The following PITPNM3 variants were observed in gnomAD, a reference collection of about 807,000 sequenced individuals.
PITPNM3 encodes membrane-associated phosphatidylinositol transfer protein 3.
In PITPNM3, 26 loss-of-function variants were observed where a neutral mutation model predicts 102.0. The ratio of observed to expected loss-of-function variants is 0.25; its 90% CI spans 0.19 to 0.35. The LOEUF (loss-of-function observed/expected upper bound fraction) is 0.35. Ranked by LOEUF, PITPNM3 falls within the 10% of genes least tolerant of loss-of-function variation. The probability of loss-of-function intolerance (pLI) is 1.00; values close to 1 mark genes in which losing one functional copy is unlikely to be tolerated. For synonymous variants in PITPNM3, 578 were observed against 558.6 expected, an observed-to-expected ratio of 1.03 and a Z score of -0.49; for missense variants, 1,083 against 1,346.1, an observed-to-expected ratio of 0.80 and a Z score of 3.06.
chr17:6,531,800 G>C (rs1909162121), intron 2 of PITPNM3, among the ~76,000 whole-genome samples: 1 of 152,142 alleles, frequency 6.6e-6, no homozygotes, highest in Non-Finnish European at 1.5e-5. Flanking sequence ...CAGCCTTCCT[G>C]CTGTTGCTCA....
At chr17:6,489,560 G>A (rs1484554023) in intron 4 of PITPNM3, among the ~76,000 whole-genome samples, 1 of 151,944 alleles carries the variant, frequency 6.6e-6, no homozygotes, top group African/African-American at 2.4e-5. Flanking sequence ...AGAAAGGGAT[G>A]GTCTCTTTGT....
intron 2 of PITPNM3, among the ~76,000 whole-genome samples, chr17:6,531,250 G>A (rs373267061): frequency 3.3e-5 from 5 of 152,296 alleles, no homozygotes; most frequent in African/African-American, 1.2e-4. Context: ...AGAACACAAA[G>A]TGAGCTAGTC....
chr17:6,504,515 C>T (rs528437926), intron 3 of PITPNM3, among the ~76,000 whole-genome samples: 1 of 152,310 alleles, frequency 6.6e-6, no homozygotes, highest in Admixed American at 6.5e-5. Flanking sequence ...GGCCCCCGGG[C>T]TCTCTCAAAA....
In PITPNM3 at chr17:6,464,258, T is replaced by A; in HGVS notation, c.2068A>T (p.Ile690Phe). The A allele has an allele frequency of 4.3e-6, 7 of 1,614,144 alleles. No homozygotes were observed. The highest frequency in any genetic ancestry group is 5.9e-6 in the Non-Finnish European group (7 of 1,180,010). ...GTGATGCGACCACTGCTGTTGGTGA[T>A]CTCTGTGTCCAGGTGTACCCAGCGG... ...SGRWVHLDTE[I>F]TNSSGRITYN... The change falls in exon 16 of 20, where the codon ATC becomes TTC. Residue 690 changes from isoleucine to phenylalanine, a missense_variant. Transcript: ENST00000262483.
intron 9 of PITPNM3, among the ~76,000 whole-genome samples, chr17:6,474,830 A>G (rs186302679): frequency 6.6e-6 from 1 of 152,370 alleles, no homozygotes; most frequent in East Asian, 1.9e-4. Context: ...TTTTCTGCAA[A>G]GGGCCAGAGA....
Position 6,478,597 on chromosome 17 carries a change from C to A in PITPNM3, c.727G>T (p.Val243Phe). ...GAGGACTTCAGGAACTCTCTGTAGA[C>A]CTGGTTGGCTCGCTCGATGACGGTG... ...VATVIERANQ[V>F]YREFLKSSDG... is the part of the protein sequence containing the mutation. The change falls in exon 7 of 20, where the codon GTC becomes TTC. Residue 243 changes from valine (V) to phenylalanine (F), a missense_variant. This residue lies in a region of PITPNM3 where 290 missense variants were observed against 337.8 expected (regional missense o/e 0.86). Coordinates refer to ENST00000262483, the MANE Select transcript of PITPNM3 (RefSeq NM_031220.4). This position sits in a 1 kb window ranked among gnomAD's most constrained non-coding sequence, Gnocchi z 4.4. 6.2e-7 allele frequency: 1 copy of A among 1,614,122 alleles called. No homozygotes were observed. The highest frequency in any genetic ancestry group is 8.5e-7 in the Non-Finnish European group (1 of 1,180,030).
intron 3 of PITPNM3, among the ~76,000 whole-genome samples, chr17:6,506,662 G>A (rs1966095): frequency 5.3e-5 from 8 of 152,140 alleles, no homozygotes; most frequent in East Asian, 1.9e-4. Context: ...GAGCCACCGC[G>A]CCCGGCCAGT....
At chr17:6,497,415 C>T (rs1207816144) in intron 4 of PITPNM3, among the ~76,000 whole-genome samples, 2 of 152,182 alleles carry the variant, frequency 1.3e-5, no homozygotes, top group African/African-American at 4.8e-5. Context: ...GCCGAGGACC[C>T]AAGCTCAGTC....
At chr17:6,549,025 C>A (rs148545145) in intron 1 of PITPNM3, among the ~76,000 whole-genome samples, 7 of 152,198 alleles carry the variant, frequency 4.6e-5, no homozygotes, top group African/African-American at 1.4e-4. Flanking sequence ...AACAGGCTGA[C>A]CCTCCCAAAG....
intron 1 of PITPNM3, among the ~76,000 whole-genome samples, chr17:6,555,625 A>C (rs1381600017): frequency 6.6e-6 from 1 of 152,216 alleles, no homozygotes; most frequent in African/African-American, 2.4e-5. Context: ...GCATGGGCGC[A>C]GCAGGGGGGC....
rs1036468540 is a variant in PITPNM3 at position 6,455,515 on chromosome 17, G to C, written c.2748C>G (p.Phe916Leu). 4 of 1,605,612 alleles carry C rather than the reference G, an allele frequency of 2.5e-6. No individual in the cohort carries two copies. Among genetic ancestry groups the C allele is most frequent in the African/African-American group, 1.3e-5 (1 of 74,634 alleles). Residue 916 changes from phenylalanine to leucine, a missense_variant, in exon 20 of 20, where the codon TTC becomes TTG. By Grantham distance (22) the Phe-to-Leu change is conservative. Coordinates refer to ENST00000262483, the MANE Select transcript of PITPNM3 (RefSeq NM_031220.4). ...GSFGLHAQPE[F>L]LRKRNHLRRT... is the part of the protein sequence containing the mutation. ...TGCGCAGGTGGTTGCGCTTCCGCAGGAACTCTGGCTGCGCGTGCAGCCCGA... is the reference window on the plus strand; with the variant it reads ...TGCGCAGGTGGTTGCGCTTCCGCAGCAACTCTGGCTGCGCGTGCAGCCCGA...
chr17:6,509,600 G>A (rs547768161), intron 3 of PITPNM3, among the ~76,000 whole-genome samples: 129 of 152,052 alleles, frequency 8.5e-4, no homozygotes, highest in African/African-American at 3.0e-3. Flanking sequence ...GCTGAGGAGC[G>A]AAGACCTGCA....
chr17:6,464,614 C>T (rs770735642), intron 15 of PITPNM3, 41 bp downstream of exon 15: 5 of 1,563,304 alleles, frequency 3.2e-6, no homozygotes, highest in Non-Finnish European at 4.4e-6. Flanking sequence ...GCACCTGGTG[C>T]AGGTGGAGTG....
Position 6,556,283 on chromosome 17 carries a change from G to A in PITPNM3, c.22+102C>T, listed in dbSNP as rs1224671378. On this transcript the variant is annotated intron_variant, in intron 1 of 19. Coordinates refer to ENST00000262483, the MANE Select transcript of PITPNM3 (RefSeq NM_031220.4). The surrounding 1 kb of genome is among the most constrained non-coding windows in gnomAD (Gnocchi z 5.2). Reference sequence around the variant, plus strand: ...CCCCCTACGCCCTCCCGGGACCTCCGCCCACCTGCGCGAGGGGTTCACCTG... The same window carrying A: ...CCCCCTACGCCCTCCCGGGACCTCCACCCACCTGCGCGAGGGGTTCACCTG... 2.8e-6 allele frequency: 3 copies of A among 1,055,872 alleles called. No individual in the cohort carries two copies. Among genetic ancestry groups the A allele is most frequent in the African/African-American group, 3.3e-5 (2 of 59,970 alleles). 65.4% of individuals were successfully genotyped at this position (1,055,872 alleles called of 1,614,324 possible).
chr17:6,477,849 TTA>T lies in PITPNM3; in HGVS notation c.900+124_900+125del, dbSNP rs557292920. On this transcript the variant is annotated intron_variant, in intron 8 of 19. Coordinates refer to ENST00000262483, the MANE Select transcript of PITPNM3 (RefSeq NM_031220.4). The stretch of plus-strand genomic sequence containing the variant: ...GCATGAGCCACTGCGCCCAGCTGGA[TTA>T]TGATACACTTCTTTGTGACCTGGAT... 599 of 1,529,408 alleles carry T rather than the reference TTA, an allele frequency of 3.9e-4. 8 individuals carry two copies. The East Asian group carries it at 0.013, about 32-fold the overall frequency. 94.7% of individuals were successfully genotyped at this position (1,529,408 alleles called of 1,614,324 possible). A position where few individuals can be genotyped will look rare whatever the true frequency, so the allele number is the denominator to read the frequency against.
At chr17:6,499,153 C>A (rs1316382418) in intron 4 of PITPNM3, among the ~76,000 whole-genome samples, 2 of 152,186 alleles carry the variant, frequency 1.3e-5, no homozygotes, top group Non-Finnish European at 2.9e-5. Flanking sequence ...CACAATGGTT[C>A]CCTTGGCTTC....
At position 6,470,353 on chromosome 17, in the gene PITPNM3, A is replaced by G. The variant is rs760548559; in HGVS notation, c.1680T>C (p.Asp560=). 5 of 1,614,154 alleles carry G rather than the reference A, an allele frequency of 3.1e-6. No individual in the cohort carries two copies. Among genetic ancestry groups the G allele is most frequent in the Non-Finnish European group, 4.2e-6 (5 of 1,179,988 alleles). The part of the protein sequence containing the change: ...KRIDYALYCP[D]VLTAFPTVAL... ...CCACGGTGGGGAAGGCCGTGAGGACATCAGGGCAGTACAGGGCATAGTCGA... is the reference window on the plus strand; with the variant it reads ...CCACGGTGGGGAAGGCCGTGAGGACGTCAGGGCAGTACAGGGCATAGTCGA... Residue 560 remains aspartate, a synonymous_variant, in exon 13 of 20, where the codon GAT becomes GAC. Coordinates refer to ENST00000262483, the MANE Select transcript of PITPNM3 (RefSeq NM_031220.4). This position sits in a 1 kb window ranked among gnomAD's most constrained non-coding sequence, Gnocchi z 4.8.
rs137986661 is a variant in PITPNM3, at chr17:6,468,125, T to C, written c.1890+100A>G. The C allele has an allele frequency of 7.8e-4, 906 of 1,160,880 alleles. 9 individuals carry two copies. The East Asian group carries it at 0.018, about 24-fold the overall frequency. 71.9% of individuals were successfully genotyped at this position (1,160,880 alleles called of 1,614,324 possible). A position where few individuals can be genotyped will look rare whatever the true frequency, so the allele number is the denominator to read the frequency against. On this transcript the variant is annotated intron_variant, in intron 14 of 19. Transcript: ENST00000262483. This position sits in a 1 kb window ranked among gnomAD's most constrained non-coding sequence, Gnocchi z 5.2. ...TTGGGTGCTGAGCTCTGAGGACAAA[T>C]TGAAGCGCTTACCTCCCATGTGGAT...
chr17:6,498,311 CTG>C (rs1237821061), intron 4 of PITPNM3, among the ~76,000 whole-genome samples: 1 of 152,236 alleles, frequency 6.6e-6, no homozygotes, highest in East Asian at 1.9e-4. Flanking sequence ...CACAAGAAAA[CTG>C]TGCTTAGAGA....
Sources: allele counts gnomAD v4.1 joint callset (sites outside exome capture counted in the v4.1 genomes callset), GRCh38; gene constraint gnomAD v4.1.1; regional missense constraint gnomAD v4.1.1; non-coding constraint Gnocchi (gnomAD v3.1); transcripts MANE v1.5; gene names NCBI Gene and HGNC (gene_info 2026-07-23, HGNC 2026-07-21).